Variants in WWOX observed in about 807,000 individuals in gnomAD.
WWOX encodes the protein WW domain-containing oxidoreductase.
A neutral mutation model predicts 46.2 loss-of-function variants in WWOX; 69 were observed. That is an observed-to-expected ratio of 1.49 (90% CI 1.23 to 1.82). The LOEUF (loss-of-function observed/expected upper bound fraction) is 1.82. Ranked by LOEUF, WWOX falls within the 40% of genes most tolerant of loss-of-function variation. WWOX has a pLI of 0.00. For synonymous variants in WWOX, 359 were observed against 202.6 expected (o/e 1.77, Z -6.56); for missense variants, 919 against 542.6 (o/e 1.69, Z -6.89).
At chr16:78,344,853 T>C (rs1423939644) in intron 5 of WWOX, among the ~76,000 whole-genome samples, 2 of 121,418 alleles carry the variant, frequency 1.6e-5, no homozygotes, top group Admixed American at 8.0e-5. Context: ...TCCTAAGATG[T>C]CTGAAGAAGT....
intron 8 of WWOX, among the ~76,000 whole-genome samples, chr16:78,910,932 T>A (rs62038067): frequency 0.14 from 20,861 of 152,082 alleles, 1,811 homozygotes; most frequent in South Asian, 0.23. Flanking sequence ...CAGCTCAATT[T>A]AGCCTTTCCA....
At chr16:78,394,718 C>T (rs1157496844) in intron 6 of WWOX, among the ~76,000 whole-genome samples, 2 of 152,156 alleles carry the variant, frequency 1.3e-5, no homozygotes, top group Non-Finnish European at 2.9e-5. Flanking sequence ...CTGAAAGCAG[C>T]CATAGATAGT....
intron 8 of WWOX, among the ~76,000 whole-genome samples, chr16:78,766,084 T>G (rs574678175): frequency 6.6e-6 from 1 of 151,832 alleles, no homozygotes; most frequent in Admixed American, 6.6e-5. Context: ...TGGGACGGGG[T>G]GAATGATTTG....
chr16:78,604,145 T>A (rs2045688978), intron 8 of WWOX, among the ~76,000 whole-genome samples: 1 of 151,960 alleles, frequency 6.6e-6, no homozygotes, highest in Admixed American at 6.5e-5. Flanking sequence ...GTCTAAAAAA[T>A]AAATAAATAA....
At chr16:78,112,591 T>G (rs1206748713) in intron 3 of WWOX, among the ~76,000 whole-genome samples, 1 of 152,078 alleles carries the variant, frequency 6.6e-6, no homozygotes, top group East Asian at 1.9e-4. Context: ...GTTAAAAGGC[T>G]TTTTGCCTAA....
intron 8 of WWOX, among the ~76,000 whole-genome samples, chr16:78,701,969 G>A (rs898361679): frequency 4.2e-5 from 6 of 142,136 alleles, no homozygotes; most frequent in Non-Finnish European, 9.1e-5. Flanking sequence ...AGGATCATTT[G>A]AGCCCAGGAG....
chr16:78,515,793 G>C (rs576236885), intron 8 of WWOX, among the ~76,000 whole-genome samples: 1 of 152,306 alleles, frequency 6.6e-6, no homozygotes, highest in South Asian at 2.1e-4. Context: ...GGAGGGTACA[G>C]GGTCTTCTTC....
Position 78,341,996 on chromosome 16 carries a change from G to C in WWOX, c.517-44864G>C, listed in dbSNP as rs978828991. Among the ~76,000 whole-genome samples, 5 of 120,194 alleles carry C rather than the reference G, an allele frequency of 4.2e-5. 2 individuals are homozygous for C. Among genetic ancestry groups the C allele is most frequent in the Admixed American group, 1.6e-4 (2 of 12,352 alleles). 78.9% of individuals were successfully genotyped at this position (120,194 alleles called of 152,430 possible). Reference sequence around the variant, plus strand: ...CTGGGCATGGTGGTGCTCACCTATAGTACCAGGTACTTCGGAGGCTGAGGC... The same window carrying C: ...CTGGGCATGGTGGTGCTCACCTATACTACCAGGTACTTCGGAGGCTGAGGC... On this transcript the variant is annotated intron_variant, in intron 5 of 8. Transcript: ENST00000566780.
intron 8 of WWOX, chr16:79,196,268 A>G (rs1199948104): frequency 6.6e-6 from 1 of 152,272 alleles, no homozygotes. Flanking sequence ...TGTATTACAC[A>G]TATACAAATT....
At chr16:78,121,435 C>T (rs2033086830) in intron 4 of WWOX, among the ~76,000 whole-genome samples, 1 of 152,102 alleles carries the variant, frequency 6.6e-6, no homozygotes, top group African/African-American at 2.4e-5. Context: ...AACCATTTTA[C>T]ACTGAGATAT....
intron 8 of WWOX, among the ~76,000 whole-genome samples, chr16:78,852,387 G>C (rs993146352): frequency 1.3e-5 from 2 of 152,210 alleles, no homozygotes; most frequent in Admixed American, 6.5e-5. Context: ...CCTTGTGGCA[G>C]AAGCTAGACA....
At chr16:78,686,898 T>A (rs941914678) in intron 8 of WWOX, among the ~76,000 whole-genome samples, 4 of 152,316 alleles carry the variant, frequency 2.6e-5, no homozygotes, top group Middle Eastern at 3.4e-3. Flanking sequence ...CTGTTGACTG[T>A]GCATGAAGCC....
intron 8 of WWOX, among the ~76,000 whole-genome samples, chr16:78,724,178 C>T (rs1021076883): frequency 5.9e-5 from 9 of 152,172 alleles, no homozygotes; most frequent in Admixed American, 3.3e-4. Context: ...TATCTCACTC[C>T]GTCATTTATA....
At chr16:78,935,147 C>G (rs955019964) in intron 8 of WWOX, among the ~76,000 whole-genome samples, 1 of 152,178 alleles carries the variant, frequency 6.6e-6, no homozygotes, top group African/African-American at 2.4e-5. Context: ...CACTTTTACA[C>G]TGTTGGTGGG....
chr16:78,847,739 A>G (rs1003182290), intron 8 of WWOX, among the ~76,000 whole-genome samples: 1 of 152,098 alleles, frequency 6.6e-6, no homozygotes, highest in African/African-American at 2.4e-5. Context: ...GATTTGGGGA[A>G]GGTATGGTAA....
intron 8 of WWOX, among the ~76,000 whole-genome samples, chr16:79,018,128 C>T (rs964784046): frequency 6.6e-6 from 1 of 152,138 alleles, no homozygotes; most frequent in Non-Finnish European, 1.5e-5. Flanking sequence ...GCAGAGGTAT[C>T]ATGGCCTTCA....
chr16:78,127,260 G>A (rs577028376), intron 4 of WWOX, among the ~76,000 whole-genome samples: 1 of 152,056 alleles, frequency 6.6e-6, no homozygotes, highest in Non-Finnish European at 1.5e-5. Flanking sequence ...CATCATTGCA[G>A]GCGTTTAATA....
At chr16:79,029,937 A>G (rs1466140252) in intron 8 of WWOX, among the ~76,000 whole-genome samples, 1 of 152,234 alleles carries the variant, frequency 6.6e-6, no homozygotes, top group East Asian at 1.9e-4. Flanking sequence ...ATAGGGGCCA[A>G]GAGCCGTTGT....
intron 8 of WWOX, among the ~76,000 whole-genome samples, chr16:78,685,890 A>G (rs1007927358): frequency 8.6e-6 from 1 of 115,834 alleles, no homozygotes; most frequent in African/African-American, 2.5e-5. Flanking sequence ...AGAGAGAGAG[A>G]GGAAAAAAAA....
Sources: gnomAD v4.1 joint callset for allele counts (sites outside exome capture counted in the v4.1 genomes callset) on GRCh38, gnomAD v4.1.1 for gene constraint, MANE v1.5 for transcripts, NCBI Gene and HGNC (gene_info 2026-07-23, HGNC 2026-07-21) for gene names.